The following FNDC3B variants were observed in gnomAD, a reference collection of about 807,000 sequenced individuals.
FNDC3B encodes the protein fibronectin type III domain containing 3B, also known as fibronectin type III domain-containing protein 3B.
FNDC3B carries 12 observed loss-of-function variants against 151.5 expected under a neutral mutation model. The ratio of observed to expected loss-of-function variants is 0.08; its 90% CI spans 0.05 to 0.13. FNDC3B has a LOEUF of 0.13. Among genes scored for constraint, FNDC3B ranks in the 10% least tolerant of loss-of-function variants. The pLI is 1.00. For missense variants in FNDC3B, 1,214 were observed against 1,505.3 expected, an observed-to-expected ratio of 0.81 and a Z score of 3.20; for synonymous variants, 528 against 549.0, an observed-to-expected ratio of 0.96 and a Z score of 0.54.
chr3:172,254,921 TG>T (rs1248720691), intron 6 of FNDC3B, among the ~76,000 whole-genome samples: 1 of 152,212 alleles, frequency 6.6e-6, no homozygotes, highest in Non-Finnish European at 1.5e-5. Flanking sequence ...CTTTGTAAAA[TG>T]GGCATTTTAA....
intron 6 of FNDC3B, among the ~76,000 whole-genome samples, chr3:172,282,660 G>A (rs1460808405): frequency 1.3e-5 from 2 of 152,128 alleles, no homozygotes; most frequent in Non-Finnish European, 2.9e-5. Context: ...CCATAGGACT[G>A]AGCAGATCTC....
At chr3:172,315,997 C>CTT (rs1731765271) in intron 11 of FNDC3B, among the ~76,000 whole-genome samples, 1 of 129,134 alleles carries the variant, frequency 7.7e-6, no homozygotes. Flanking sequence ...CTTCTTTCTT[C>CTT]TTCTTTTTTT....
At chr3:172,051,202 A>G (rs1716636501) in intron 1 of FNDC3B, among the ~76,000 whole-genome samples, 1 of 149,130 alleles carries the variant, frequency 6.7e-6, no homozygotes, top group Non-Finnish European at 1.5e-5. Flanking sequence ...TTCTGCCTCA[A>G]CCTCCCAAGT....
At chr3:172,191,773 C>T (rs185959327) in intron 3 of FNDC3B, among the ~76,000 whole-genome samples, 17 of 152,242 alleles carry the variant, frequency 1.1e-4, no homozygotes, top group South Asian at 8.3e-4. Flanking sequence ...CGTGAGCCAC[C>T]GTGCCTGGCC....
At chr3:172,189,571 T>C (rs958910825) in intron 3 of FNDC3B, among the ~76,000 whole-genome samples, 6 of 152,046 alleles carry the variant, frequency 3.9e-5, no homozygotes, top group Admixed American at 3.3e-4. Context: ...AATCACACTT[T>C]GGGAGGCTGA....
chr3:172,256,644 G>A (rs1205362730), intron 6 of FNDC3B, among the ~76,000 whole-genome samples: 1 of 152,196 alleles, frequency 6.6e-6, no homozygotes, highest in Non-Finnish European at 1.5e-5. Context: ...AATATTTTAA[G>A]GAAGTTATTG....
intron 7 of FNDC3B, among the ~76,000 whole-genome samples, chr3:172,289,975 T>G (rs1730238639): frequency 6.6e-6 from 1 of 152,190 alleles, no homozygotes; most frequent in African/African-American, 2.4e-5. Context: ...GAATGCAGTA[T>G]TTATAGTTTG....
At chr3:172,161,424 C>T (rs986144341) in intron 3 of FNDC3B, among the ~76,000 whole-genome samples, 3 of 152,212 alleles carry the variant, frequency 2.0e-5, no homozygotes, top group African/African-American at 7.2e-5. Flanking sequence ...GCTTTGCATG[C>T]ATATATGATT....
chr3:172,332,953 CTTT>C (rs2108291916), intron 13 of FNDC3B, 133 bp from the exon 14 acceptor site: 1 of 725,584 alleles, frequency 1.4e-6, no homozygotes, highest in African/African-American at 1.8e-5. Flanking sequence ...TGATTTTTCT[CTTT>C]TGCGGTAGCT....
chr3:172,187,373 G>A (rs761360457), intron 3 of FNDC3B: 1 of 152,102 alleles, frequency 6.6e-6, no homozygotes, highest in Non-Finnish European at 1.5e-5. Flanking sequence ...ATTGACCATG[G>A]CTGAACTTCT....
At chr3:172,232,310 G>A (rs563153548) in intron 4 of FNDC3B, among the ~76,000 whole-genome samples, 3 of 152,280 alleles carry the variant, frequency 2.0e-5, no homozygotes, top group African/African-American at 7.2e-5. Flanking sequence ...TTAAATAGCC[G>A]AAAGTCCTTT....
At chr3:172,101,077 G>A (rs1415144902) in intron 1 of FNDC3B, among the ~76,000 whole-genome samples, 2 of 152,184 alleles carry the variant, frequency 1.3e-5, no homozygotes, top group Non-Finnish European at 1.5e-5. Flanking sequence ...AAAACTGAGT[G>A]TGTAAAATAA....
chr3:172,319,819 C>G lies in FNDC3B; in HGVS notation c.1254+8938C>G, dbSNP rs566859963. On this transcript the variant is annotated intron_variant, in intron 11 of 25. Transcript: ENST00000415807. ...CTGGAACAGCTTCTAAATATAGACA[C>G]TCTAGCAGACTAAATCTTAGAGTCT... 3.3e-5 allele frequency among the ~76,000 whole-genome samples: 5 copies of G among 152,352 alleles called. No individual in the cohort carries two copies. In the South Asian group the frequency reaches 1.0e-3, roughly 32 times the overall value.
At chr3:172,065,531 C>G (rs926743505) in intron 1 of FNDC3B, among the ~76,000 whole-genome samples, 1 of 152,142 alleles carries the variant, frequency 6.6e-6, no homozygotes, top group African/African-American at 2.4e-5. Context: ...GATCGCTGTT[C>G]AGTTTGGAAT....
chr3:172,210,881 G>T (rs752446027), intron 3 of FNDC3B, among the ~76,000 whole-genome samples: 1 of 151,806 alleles, frequency 6.6e-6, no homozygotes. Flanking sequence ...ACTCGGATGT[G>T]TTACCCATAC....
At position 172,296,062 on chromosome 3, in the gene FNDC3B, A is replaced by G. The variant is rs139424905; in HGVS notation, c.1001+548A>G. Among the ~76,000 whole-genome samples, 24 of 152,322 alleles carry G rather than the reference A, an allele frequency of 1.6e-4. No homozygotes were observed. In the East Asian group the frequency reaches 4.2e-3, roughly 27 times the overall value. ...CCTTCTGCTCTGTGGACTCCCAGGTATTGACCATTCAAAAGATTTATAACT... is the reference window on the plus strand; with the variant it reads ...CCTTCTGCTCTGTGGACTCCCAGGTGTTGACCATTCAAAAGATTTATAACT... On this transcript the variant is annotated intron_variant, in intron 8 of 25. Coordinates refer to ENST00000415807, the MANE Select transcript of FNDC3B (RefSeq NM_022763.4).
intron 7 of FNDC3B, among the ~76,000 whole-genome samples, chr3:172,289,312 T>C (rs931960528): frequency 2.0e-5 from 3 of 152,166 alleles, no homozygotes; most frequent in Admixed American, 1.3e-4. Context: ...CTTTCACTTA[T>C]AAGGACCCCC....
chr3:172,131,387 C>T (rs1001025463), intron 2 of FNDC3B, among the ~76,000 whole-genome samples: 5 of 150,620 alleles, frequency 3.3e-5, no homozygotes, highest in African/African-American at 1.2e-4. Flanking sequence ...GAGCGAAACT[C>T]CGTCTCAAGA....
chr3:172,161,982 T>TC (rs1722799963), intron 3 of FNDC3B, among the ~76,000 whole-genome samples: 1 of 142,386 alleles, frequency 7.0e-6, no homozygotes. Flanking sequence ...GATAATTTTT[T>TC]TTTTTTTGGG....
Sources: allele counts gnomAD v4.1 joint callset (sites outside exome capture counted in the v4.1 genomes callset), GRCh38; gene constraint gnomAD v4.1.1; transcripts MANE v1.5; gene names NCBI Gene and HGNC (gene_info 2026-07-23, HGNC 2026-07-21).